The following XKR9 variants were observed in gnomAD, a reference collection of about 807,000 sequenced individuals.
XKR9 encodes XK related 9, also known as XK-related protein 9.
XKR9 carries 32 observed loss-of-function variants against 32.0 expected under a neutral mutation model. That is an observed-to-expected ratio of 1.00 (90% CI 0.76 to 1.34). The LOEUF (loss-of-function observed/expected upper bound fraction) is 1.34, where lower values mean the gene tolerates loss of function less well. Ranked by LOEUF, XKR9 falls within the 40% of genes most tolerant of loss-of-function variation. XKR9 has a pLI of 0.00. For synonymous variants in XKR9, 168 were observed against 143.4 expected (o/e 1.17, Z -1.22); for missense variants, 546 against 429.7 (o/e 1.27, Z -2.39).
At chr8:70,682,018 G>A (rs1220530830) in intron 3 of XKR9, among the ~76,000 whole-genome samples, 1 of 152,030 alleles carries the variant, frequency 6.6e-6, no homozygotes, top group Non-Finnish European at 1.5e-5. Flanking sequence ...TATTTATGTG[G>A]AGACTTATAG....
chr8:71,018,362 G>T, the XKR9 span, among the ~76,000 whole-genome samples: 1 of 152,146 alleles, frequency 6.6e-6, no homozygotes, highest in Non-Finnish European at 1.5e-5. Flanking sequence ...TCTTCCAAGA[G>T]GAAAATGTGG....
At chr8:70,811,569 G>A in the XKR9 span, among the ~76,000 whole-genome samples, 54 of 152,088 alleles carry the variant, frequency 3.6e-4, no homozygotes, top group African/African-American at 1.2e-3. Context: ...AGAAAAGAGG[G>A]AAGAATCAAA....
the XKR9 span, among the ~76,000 whole-genome samples, chr8:70,951,867 TGG>T: frequency 7.2e-6 from 1 of 139,044 alleles, no homozygotes; most frequent in East Asian, 2.5e-4. Context: ...ATAGCATCAT[TGG>T]GGGGGGGGTG....
chr8:71,005,860 A>T, the XKR9 span, among the ~76,000 whole-genome samples: 1 of 152,216 alleles, frequency 6.6e-6, no homozygotes, highest in African/African-American at 2.4e-5. Flanking sequence ...CATTCTTGCT[A>T]ACTTCCAGAT....
chr8:71,020,022 CAG>C, the XKR9 span, among the ~76,000 whole-genome samples: 4 of 152,154 alleles, frequency 2.6e-5, no homozygotes, highest in African/African-American at 9.7e-5. Context: ...TCAGTCAACT[CAG>C]AGGGCATTCA....
chr8:71,057,013 C>T, the XKR9 span, among the ~76,000 whole-genome samples: 4 of 152,092 alleles, frequency 2.6e-5, no homozygotes, highest in African/African-American at 9.7e-5. Context: ...GCTAAAACAC[C>T]TCTTCCACCT....
chr8:71,031,919 A>G, the XKR9 span, among the ~76,000 whole-genome samples: 2 of 152,126 alleles, frequency 1.3e-5, no homozygotes, highest in African/African-American at 4.8e-5. Flanking sequence ...CTATTGTGCC[A>G]TGTTCTCATT....
chr8:70,886,457 A>G, the XKR9 span, among the ~76,000 whole-genome samples: 1 of 152,200 alleles, frequency 6.6e-6, no homozygotes, highest in African/African-American at 2.4e-5. Flanking sequence ...TCCTTGAGGA[A>G]TCACCACATG....
At chr8:70,904,834 G>C in the XKR9 span, among the ~76,000 whole-genome samples, 1 of 152,014 alleles carries the variant, frequency 6.6e-6, no homozygotes, top group East Asian at 1.9e-4. Flanking sequence ...AAAATCTCTC[G>C]GCAGTTATTT....
chr8:71,047,980 G>A, the XKR9 span, among the ~76,000 whole-genome samples: 1 of 152,094 alleles, frequency 6.6e-6, no homozygotes, highest in African/African-American at 2.4e-5. Context: ...TTAAATCCAA[G>A]TTTTCAGTAT....
At chr8:70,823,783 G>C in the XKR9 span, among the ~76,000 whole-genome samples, 1 of 152,100 alleles carries the variant, frequency 6.6e-6, no homozygotes, top group African/African-American at 2.4e-5. Flanking sequence ...AGGTGTCAGG[G>C]TGGGGGAATC....
chr8:70,684,036 C>T (rs1026925888), intron 3 of XKR9, among the ~76,000 whole-genome samples: 5 of 152,018 alleles, frequency 3.3e-5, no homozygotes, highest in East Asian at 1.9e-4. Flanking sequence ...GTCTCATTGC[C>T]GCTCTTTTGA....
the XKR9 span, among the ~76,000 whole-genome samples, chr8:70,851,345 T>A: frequency 6.6e-6 from 1 of 151,890 alleles, no homozygotes; most frequent in Admixed American, 6.6e-5. Flanking sequence ...ATCATGAAAA[T>A]GGCCATACTG....
the XKR9 span, among the ~76,000 whole-genome samples, chr8:71,018,212 G>A: frequency 6.6e-6 from 1 of 152,092 alleles, no homozygotes; most frequent in African/African-American, 2.4e-5. Flanking sequence ...TGAAAAGCAG[G>A]CTAGTGTGAG....
At chr8:70,740,693 C>T (rs2130160901), downstream of XKR9, among the ~76,000 whole-genome samples, 1 of 152,278 alleles carries the variant, frequency 6.6e-6, no homozygotes, top group Admixed American at 6.5e-5. Flanking sequence ...CAGACAGGAC[C>T]CTCAGCTGCA....
chr8:70,738,840 T>C (rs577975600), downstream of XKR9, among the ~76,000 whole-genome samples: 178 of 152,340 alleles, frequency 1.2e-3, no homozygotes, highest in Non-Finnish European at 1.2e-3. Context: ...AGAGACAGTT[T>C]GTTATAATTT....
the XKR9 span, among the ~76,000 whole-genome samples, chr8:71,025,850 C>A: frequency 6.6e-6 from 1 of 152,260 alleles, no homozygotes; most frequent in East Asian, 1.9e-4. Flanking sequence ...TTTTATTTTG[C>A]CTGCCCTCTC....
At chr8:70,688,026 A>G (rs959144043) in intron 3 of XKR9, among the ~76,000 whole-genome samples, 4 of 152,190 alleles carry the variant, frequency 2.6e-5, no homozygotes, top group African/African-American at 9.6e-5. Flanking sequence ...AGTGTTGGGG[A>G]AACTGGGTAG....
chr8:70,876,365 C>T, the XKR9 span, among the ~76,000 whole-genome samples: 2 of 151,820 alleles, frequency 1.3e-5, no homozygotes, highest in African/African-American at 4.8e-5. Context: ...GTGTGCACCA[C>T]CACCCCCAGC....
Sources: gnomAD v4.1 joint callset for allele counts (sites outside exome capture counted in the v4.1 genomes callset) on GRCh38, gnomAD v4.1.1 for gene constraint, MANE v1.5 for transcripts, NCBI Gene and HGNC (gene_info 2026-07-23, HGNC 2026-07-21) for gene names.